Variants in PTH1R observed in about 807,000 individuals in gnomAD.
PTH1R encodes parathyroid hormone/parathyroid hormone-related peptide receptor.
PTH1R carries 32 observed loss-of-function variants against 70.7 expected under a neutral mutation model. That is an observed-to-expected ratio of 0.45 (90% CI 0.34 to 0.61). The LOEUF is 0.61. Ranked by LOEUF, PTH1R falls within the 20% of genes least tolerant of loss-of-function variation. PTH1R has a pLI of 0.01. For missense variants in PTH1R, 626 were observed against 792.5 expected, an observed-to-expected ratio of 0.79 and a Z score of 2.52; for synonymous variants, 329 against 324.8, an observed-to-expected ratio of 1.01 and a Z score of -0.14.
chr3:46,900,509 G>A lies in PTH1R; in HGVS notation c.989-516G>A, dbSNP rs548767117. Among the ~76,000 whole-genome samples, 97 of 152,210 alleles carry A rather than the reference G, an allele frequency of 6.4e-4. 1 individual carries two copies. The Middle Eastern group carries it at 0.01, about 16-fold the overall frequency. On this transcript the variant is annotated intron_variant, in intron 10 of 15. Coordinates refer to ENST00000449590, the MANE Select transcript of PTH1R (RefSeq NM_000316.3). ...TATACCATGTGCCCCTTGAGCTGGC[G>A]CAGGCCAGGACATACTGACACACCG...
At chr3:46,895,662 G>A in intron 4 of PTH1R, 73 bp from the exon 5 acceptor site, 3 of 1,611,622 alleles carry the variant, frequency 1.9e-6, no homozygotes, top group Non-Finnish European at 2.5e-6. Context: ...GGGGGAGTCT[G>A]AGGCCAAAGA....
rs767822403 is a variant in PTH1R at position 46,898,815 on chromosome 3, C to T, written c.792C>T (p.Ile264=). ...ERLTEEELRA[I]AQAPPPPATA... ...TCACCGAGGAGGAGCTGCGCGCCAT[C>T]GCCCAGGCGCCCCCGCCGCCTGCCA... Residue 264 remains isoleucine, a synonymous_variant, in exon 9 of 16, where the codon ATC becomes ATT. Transcript: ENST00000449590. 8.3e-6 allele frequency: 13 copies of T among 1,571,090 alleles called. 1 individual carries two copies. The Admixed American group carries it at 1.9e-4, about 23-fold the overall frequency.
At position 46,882,226 on chromosome 3, in the gene PTH1R, G is replaced by A. The variant is rs1188006478; in HGVS notation, c.-49+1108G>A. 2.0e-5 allele frequency: 3 copies of A among 151,864 alleles called. No individual in the cohort carries two copies. Among genetic ancestry groups the A allele is most frequent in the South Asian group, 2.1e-4 (1 of 4,830 alleles). 9.4% of individuals were successfully genotyped at this position (151,864 alleles called of 1,614,324 possible). On this transcript the variant is annotated intron_variant, in intron 2 of 15. Transcript: ENST00000449590. The surrounding 1 kb of genome is among the most constrained non-coding windows in gnomAD (Gnocchi z 4.3). ...GCCCGGGAGGGCGCGGGGGAGGGAA[G>A]AGGCGCCCGGCCGGGGAGAAGGGGA...
At chr3:46,878,534 G>A (rs1324124672) in intron 1 of PTH1R, among the ~76,000 whole-genome samples, 1 of 152,206 alleles carries the variant, frequency 6.6e-6, no homozygotes, top group African/African-American at 2.4e-5. Flanking sequence ...TGGGGCTAGT[G>A]TTGGGATGAA....
chr3:46,892,651 C>A lies in PTH1R; in HGVS notation c.76-1256C>A. 1.2e-6 allele frequency: 1 copy of A among 813,590 alleles called. No individual in the cohort carries two copies. The highest frequency in any genetic ancestry group is 1.5e-6 in the Non-Finnish European group (1 of 671,746). The allele number at this position is 813,590 out of a possible 1,614,324, so 50.4% of individuals were successfully genotyped here. A position where few individuals can be genotyped will look rare whatever the true frequency, so the allele number is the denominator to read the frequency against. On this transcript the variant is annotated intron_variant, in intron 3 of 15. Transcript: ENST00000449590. The surrounding 1 kb of genome is among the most constrained non-coding windows in gnomAD (Gnocchi z 5.2). Reference sequence around the variant, plus strand: ...TCTCTGACCCGGCCTGCCCGCCCCTCTCGCCGGTGCCCGCCCCATGCCCGA... The same window carrying A: ...TCTCTGACCCGGCCTGCCCGCCCCTATCGCCGGTGCCCGCCCCATGCCCGA...
In PTH1R at chr3:46,902,661, C is replaced by T; in HGVS notation, c.1347C>T (p.Ser449=). The change falls in exon 14 of 16, where the codon TCC becomes TCT. Residue 449 remains serine (S), a synonymous_variant. Transcript: ENST00000449590. This position sits in a 1 kb window ranked among gnomAD's most constrained non-coding sequence, Gnocchi z 5.4. ...TGCACTATGAGATGCTCTTCAACTCCTTCCAGGTGCGCAGTGCTGGCCCGG... is the reference window on the plus strand; with the variant it reads ...TGCACTATGAGATGCTCTTCAACTCTTTCCAGGTGCGCAGTGCTGGCCCGG... ...VQMHYEMLFN[S]FQGFFVAIIY... 6.2e-7 allele frequency: 1 copy of T among 1,614,114 alleles called. No individual in the cohort carries two copies. The highest frequency in any genetic ancestry group is 8.5e-7 in the Non-Finnish European group (1 of 1,180,038).
At chr3:46,899,205 G>A in intron 9 of PTH1R, 98 bp from the exon 10 acceptor site, 4 of 1,537,976 alleles carry the variant, frequency 2.6e-6, no homozygotes, top group South Asian at 1.1e-5. Flanking sequence ...TGTTTGGCCG[G>A]CACCACTTGT....
At position 46,883,195 on chromosome 3, in the gene PTH1R, G is replaced by C. The variant is rs1034226055; in HGVS notation, c.-48-317G>C. ...AAGAAAGAAAAGGCGGCGCGGGAGG[G>C]GGGCGGGGGGCGGGCCGGGGGCGGG... On this transcript the variant is annotated intron_variant, in intron 2 of 15. Transcript: ENST00000449590. This position sits in a 1 kb window ranked among gnomAD's most constrained non-coding sequence, Gnocchi z 6.4. Among the ~76,000 whole-genome samples, 24 of 150,902 alleles carry C rather than the reference G, an allele frequency of 1.6e-4. No homozygotes were observed. Among genetic ancestry groups the C allele is most frequent in the Non-Finnish European group, 3.3e-4 (22 of 67,534 alleles).
rs139223416 is a variant in PTH1R, at chr3:46,880,715, A to T, written c.-105-347A>T. On this transcript the variant is annotated intron_variant, in intron 1 of 15. Coordinates refer to ENST00000449590, the MANE Select transcript of PTH1R (RefSeq NM_000316.3). ...GGACTCCAGCCTGGGTGACAAAGTGAGACTTTGTCTTGAAGAAGAAGAAGA... is the reference window on the plus strand; with the variant it reads ...GGACTCCAGCCTGGGTGACAAAGTGTGACTTTGTCTTGAAGAAGAAGAAGA... Among the ~76,000 whole-genome samples the T allele has an allele frequency of 1.2e-4, 18 of 152,222 alleles. 1 individual carries two copies. Among genetic ancestry groups the T allele is most frequent in the African/African-American group, 3.6e-4 (15 of 41,476 alleles).
intron 8 of PTH1R, 92 bp from the exon 9 acceptor site, chr3:46,898,570 G>T: frequency 6.3e-7 from 1 of 1,599,012 alleles, no homozygotes; most frequent in Non-Finnish European, 8.5e-7. Flanking sequence ...ACCCCCGGCG[G>T]GTGTCCCTAC....
At chr3:46,880,720 T>C (rs1575504829) in intron 1 of PTH1R, among the ~76,000 whole-genome samples, 1 of 151,840 alleles carries the variant, frequency 6.6e-6, no homozygotes, top group South Asian at 2.1e-4. Context: ...AAGTGAGACT[T>C]TGTCTTGAAG....
rs2031836555 is a variant in PTH1R at position 46,897,750 on chromosome 3, A to C, written c.314-105A>C. The C allele has an allele frequency of 4.5e-6, 5 of 1,121,256 alleles. No individual in the cohort carries two copies. In the East Asian group the frequency reaches 1.2e-4, roughly 28 times the overall value. The allele number at this position is 1,121,256 out of a possible 1,614,324, so 69.5% of individuals were successfully genotyped here. A position where few individuals can be genotyped will look rare whatever the true frequency, so the allele number is the denominator to read the frequency against. On this transcript the variant is annotated intron_variant, in intron 5 of 15. Coordinates refer to ENST00000449590, the MANE Select transcript of PTH1R (RefSeq NM_000316.3). ...CCGTCTCAAAAAAACAAAACAAAACAAAAACAAAAACAAACAAACCACAGA... is the reference window on the plus strand; with the variant it reads ...CCGTCTCAAAAAAACAAAACAAAACCAAAACAAAAACAAACAAACCACAGA...
chr3:46,900,568 C>T (rs1246109341), intron 10 of PTH1R, among the ~76,000 whole-genome samples: 1 of 151,986 alleles, frequency 6.6e-6, no homozygotes, highest in Non-Finnish European at 1.5e-5. Flanking sequence ...GGGACAAAAC[C>T]TCTCACCCCA....
At position 46,882,084 on chromosome 3, in the gene PTH1R, C is replaced by T. The variant is rs2030612922; in HGVS notation, c.-49+966C>T. ...CTCCCCAGCACTCACATCCCGCCGC[C>T]GTAAGACTCCGGGCCTCGGCCTCTA... On this transcript the variant is annotated intron_variant, in intron 2 of 15. Transcript: ENST00000449590. The surrounding 1 kb of genome is among the most constrained non-coding windows in gnomAD (Gnocchi z 4.3). 1 of 152,154 alleles carries T rather than the reference C, an allele frequency of 6.6e-6. No homozygotes were observed. The highest frequency in any genetic ancestry group is 2.1e-4 in the South Asian group (1 of 4,834). The allele number at this position is 152,154 out of a possible 1,614,324, so 9.4% of individuals were successfully genotyped here.
intron 3 of PTH1R, among the ~76,000 whole-genome samples, chr3:46,886,658 G>T (rs543326654): frequency 5.7e-4 from 87 of 152,270 alleles, no homozygotes; most frequent in Non-Finnish European, 1.1e-3. Context: ...CGCCCGGCCG[G>T]TTGCTTGCTT....
intron 3 of PTH1R, among the ~76,000 whole-genome samples, chr3:46,886,168 A>AC (rs1019475298): frequency 6.7e-6 from 1 of 149,662 alleles, no homozygotes; most frequent in South Asian, 2.1e-4. Flanking sequence ...CCTCCTAAGG[A>AC]CCCCCCCAGC....
rs1487819289 is a variant in PTH1R, at chr3:46,899,173, C to G, written c.835-130C>G. On this transcript the variant is annotated intron_variant, in intron 9 of 15. Coordinates refer to ENST00000449590, the MANE Select transcript of PTH1R (RefSeq NM_000316.3). ...CATCCCCCTGAGAGAGCCCCCCAAACGAAGCCTGCCCCTTCCTGGCCTGTT... is the reference window on the plus strand; with the variant it reads ...CATCCCCCTGAGAGAGCCCCCCAAAGGAAGCCTGCCCCTTCCTGGCCTGTT... 8 of 1,273,356 alleles carry G rather than the reference C, an allele frequency of 6.3e-6. No homozygotes were observed. In the South Asian group the frequency reaches 7.5e-5, roughly 12 times the overall value. 78.9% of individuals were successfully genotyped at this position (1,273,356 alleles called of 1,614,324 possible).
rs2031568762 is a variant in PTH1R, at chr3:46,893,774, A to C, written c.76-133A>C. The C allele has an allele frequency of 1.2e-6, 1 of 802,354 alleles. No homozygotes were observed. The highest frequency in any genetic ancestry group is 2.1e-6 in the Non-Finnish European group (1 of 470,850). The allele number at this position is 802,354 out of a possible 1,614,324, so 49.7% of individuals were successfully genotyped here. The stretch of plus-strand genomic sequence containing the variant: ...TCCATAGAGCAGATTCCCCACATGC[A>C]GGGGAAATCCCACCTTCCCTCTAGA... On this transcript the variant is annotated intron_variant, in intron 3 of 15. Coordinates refer to ENST00000449590, the MANE Select transcript of PTH1R (RefSeq NM_000316.3). The surrounding 1 kb of genome is among the most constrained non-coding windows in gnomAD (Gnocchi z 5.2).
In PTH1R at chr3:46,901,461, C is replaced by T; in HGVS notation, c.1097C>T (p.Pro366Leu). 1 of 1,574,572 alleles carries T rather than the reference C, an allele frequency of 6.4e-7. No homozygotes were observed. Among genetic ancestry groups the T allele is most frequent in the South Asian group, 1.2e-5 (1 of 85,692 alleles). Residue 366 changes from proline to leucine, a missense_variant, in exon 12 of 16, where the codon CCC becomes CTC. Physicochemically the swap from Pro to Leu is moderately conservative, Grantham distance 98. This residue lies in a region of PTH1R where 495 missense variants were observed against 638.7 expected (regional missense o/e 0.77). Coordinates refer to ENST00000449590, the MANE Select transcript of PTH1R (RefSeq NM_000316.3). The surrounding 1 kb of genome is among the most constrained non-coding windows in gnomAD (Gnocchi z 7.3). Reference sequence around the variant, plus strand: ...AACAAAAAGTGGATCATCCAGGTGCCCATCCTGGCCTCCATTGTGGTGAGC... The same window carrying T: ...AACAAAAAGTGGATCATCCAGGTGCTCATCCTGGCCTCCATTGTGGTGAGC... ...SGNKKWIIQV[P>L]ILASIVLNFI...
Sources: allele counts gnomAD v4.1 joint callset (sites outside exome capture counted in the v4.1 genomes callset), GRCh38; gene constraint gnomAD v4.1.1; regional missense constraint gnomAD v4.1.1; non-coding constraint Gnocchi (gnomAD v3.1); transcripts MANE v1.5; gene names NCBI Gene and HGNC (gene_info 2026-07-23, HGNC 2026-07-21).